ADAM9: variants seen among roughly 807,000 people sequenced by gnomAD.
ADAM9 encodes the protein ADAM metallopeptidase domain 9.
Under a neutral mutation model 108.1 loss-of-function variants are expected in ADAM9, and 54 were observed. The ratio of observed to expected loss-of-function variants is 0.50; its 90% confidence interval spans 0.40 to 0.63. ADAM9 has a LOEUF of 0.63. Among genes scored for constraint, ADAM9 ranks in the 20% least tolerant of loss-of-function variants. The pLI is 0.00. For synonymous variants in ADAM9, 316 were observed against 336.0 expected, an observed-to-expected ratio of 0.94 and a Z score of 0.65; for missense variants, 830 against 997.7, an observed-to-expected ratio of 0.83 and a Z score of 2.26.
chr8:39,009,903 G>C (rs998649031), intron 2 of ADAM9, among the ~76,000 whole-genome samples: 11 of 92,364 alleles, frequency 1.2e-4, no homozygotes, highest in African/African-American at 4.1e-4. Context: ...GATGGGGGGG[G>C]GGGGCAGGGA....
At chr8:39,073,611 A>G (rs1425625866) in intron 15 of ADAM9, among the ~76,000 whole-genome samples, 1 of 152,234 alleles carries the variant, frequency 6.6e-6, no homozygotes, top group Non-Finnish European at 1.5e-5. Context: ...TACAGATGAT[A>G]TGGATGAAGA....
chr8:39,035,364 AG>A (rs1256505746), intron 11 of ADAM9, among the ~76,000 whole-genome samples: 1 of 152,202 alleles, frequency 6.6e-6, no homozygotes, highest in African/African-American at 2.4e-5. Flanking sequence ...CTCTGATCAT[AG>A]TAAGCATAAA....
intron 11 of ADAM9, among the ~76,000 whole-genome samples, chr8:39,034,171 G>T (rs1837195452): frequency 6.6e-6 from 1 of 152,164 alleles, no homozygotes; most frequent in Non-Finnish European, 1.5e-5. Context: ...GGGATTACAG[G>T]TGTGAGCCAC....
chr8:39,045,409 TGCGCGTGTGTACACACACCTATATGTGC>T (rs1564301550), intron 12 of ADAM9, among the ~76,000 whole-genome samples: 4,170 of 43,224 alleles, frequency 0.096, 290 homozygotes, highest in East Asian at 0.17. Context: ...CACCTATATG[TGCGCGTGTGTACACACACCTATATGTGC>T]GCGTGTGTAC....
chr8:39,032,681 T>C (rs1564274881), intron 11 of ADAM9, among the ~76,000 whole-genome samples: 1 of 152,220 alleles, frequency 6.6e-6, no homozygotes, highest in Non-Finnish European at 1.5e-5. Context: ...CTACACCCAC[T>C]GTCCAACCAG....
chr8:39,045,267 TATAC>T (rs1262600222), intron 12 of ADAM9, among the ~76,000 whole-genome samples: 1 of 146,604 alleles, frequency 6.8e-6, no homozygotes, highest in South Asian at 2.1e-4. Context: ...TATATATGTG[TATAC>T]ATACATATGT....
chr8:39,093,209 T>A (rs1839405010), intron 20 of ADAM9, among the ~76,000 whole-genome samples: 1 of 152,224 alleles, frequency 6.6e-6, no homozygotes, highest in Non-Finnish European at 1.5e-5. Context: ...TATTAACTCT[T>A]CCAGTCAGTG....
At chr8:39,022,017 T>C (rs998848881) in intron 8 of ADAM9, among the ~76,000 whole-genome samples, 1 of 151,994 alleles carries the variant, frequency 6.6e-6, no homozygotes, top group African/African-American at 2.4e-5. Flanking sequence ...ATGCATCTTA[T>C]TTTGAATAAG....
At chr8:38,999,441 T>G (rs1010703751) in intron 1 of ADAM9, among the ~76,000 whole-genome samples, 2 of 152,100 alleles carry the variant, frequency 1.3e-5, no homozygotes, top group African/African-American at 4.8e-5. Context: ...GGAACAGATT[T>G]AGAATTTTTT....
rs1458736258 is a variant in ADAM9, at chr8:39,104,719, GAGAA to G, written c.*1024_*1027del. ...TAATATTTTCATAGAAATTAGGCTGGAGAAAGAAGGAAGAAATGGTTTTCTTAAA... is the reference window on the plus strand; with the variant it reads ...TAATATTTTCATAGAAATTAGGCTGGAGAAGGAAGAAATGGTTTTCTTAAA... On this transcript the variant is annotated 3_prime_UTR_variant, in exon 22 of 22. Transcript: ENST00000487273. 6 of 453,768 alleles carry G rather than the reference GAGAA, an allele frequency of 1.3e-5. No homozygotes were observed. Among genetic ancestry groups the G allele is most frequent in the Admixed American group, 7.1e-5 (3 of 42,552 alleles). 28.1% of individuals were successfully genotyped at this position (453,768 alleles called of 1,614,324 possible). A position where few individuals can be genotyped will look rare whatever the true frequency, so the allele number is the denominator to read the frequency against.
intron 12 of ADAM9, among the ~76,000 whole-genome samples, chr8:39,045,050 ATGTGTGTGTG>A (rs1837599531): frequency 1.2e-4 from 2 of 16,436 alleles, no homozygotes; most frequent in African/African-American, 3.2e-4. Flanking sequence ...ATGTATGTGT[ATGTGTGTGTG>A]CATACATACA....
At chr8:39,065,964 A>G (rs1279816213) in intron 14 of ADAM9, among the ~76,000 whole-genome samples, 1 of 151,960 alleles carries the variant, frequency 6.6e-6, no homozygotes, top group Non-Finnish European at 1.5e-5. Flanking sequence ...AAGTGTTCTC[A>G]TTCTTCAATT....
intron 2 of ADAM9, 102 bp from the exon 3 acceptor site, chr8:39,011,556 A>G (rs1836355333): frequency 3.6e-6 from 4 of 1,096,730 alleles, no homozygotes; most frequent in East Asian, 2.4e-5. Flanking sequence ...ATACCAAATT[A>G]TTTTAATTCA....
At position 39,066,992 on chromosome 8, in the gene ADAM9, T is replaced by C. The variant is rs1488770346; in HGVS notation, c.1592-4306T>C. ...TATGGCTAGCCAGTTTTCCCAGCACTATTTATTAAATAGGGAATCCTTTCC... is the reference window on the plus strand; with the variant it reads ...TATGGCTAGCCAGTTTTCCCAGCACCATTTATTAAATAGGGAATCCTTTCC... On this transcript the variant is annotated intron_variant, in intron 14 of 21. Transcript: ENST00000487273. Among the ~76,000 whole-genome samples the C allele has an allele frequency of 3.9e-5, 6 of 152,240 alleles. No individual in the cohort carries two copies. The East Asian group carries it at 5.8e-4, about 15-fold the overall frequency.
chr8:39,007,913 C>G lies in ADAM9; in HGVS notation c.125C>G (p.Ser42Cys), dbSNP rs747749262. 5 of 1,612,400 alleles carry G rather than the reference C, an allele frequency of 3.1e-6. No homozygotes were observed. Among genetic ancestry groups the G allele is most frequent in the Non-Finnish European group, 4.2e-6 (5 of 1,179,254 alleles). ...TTTCAACAGACCTCACATCTTTCTT[C>G]TTATGAAATTATAACTCCTTGGAGA... ...PGFQQTSHLSSYEIITPWRLT... is the reference protein window; with the variant it reads ...PGFQQTSHLSCYEIITPWRLT... Residue 42 changes from serine (S) to cysteine (C), a missense_variant, in exon 2 of 22, where the codon TCT becomes TGT. By Grantham distance (112) the Ser-to-Cys change is moderately radical. Coordinates refer to ENST00000487273, the MANE Select transcript of ADAM9 (RefSeq NM_003816.3).
intron 14 of ADAM9, among the ~76,000 whole-genome samples, chr8:39,063,392 C>T (rs925184997): frequency 1.3e-5 from 2 of 152,170 alleles, no homozygotes; most frequent in African/African-American, 4.8e-5. Context: ...GGGTTAGTCC[C>T]CTCAGATGTT....
chr8:39,090,230 A>G, intron 19 of ADAM9, 42 bp downstream of exon 19: 1 of 1,507,100 alleles, frequency 6.6e-7, no homozygotes, highest in Non-Finnish European at 9.1e-7. Context: ...TTAAATATAT[A>G]CATACATTTT....
intron 4 of ADAM9, chr8:39,014,778 T>C: frequency 2.2e-6 from 1 of 464,898 alleles, no homozygotes; most frequent in Non-Finnish European, 3.8e-6. Context: ...TTGTTTCTGT[T>C]GGTAGCGCAC....
chr8:39,041,972 G>T lies in ADAM9; in HGVS notation c.1157G>T (p.Ser386Ile). The T allele has an allele frequency of 6.2e-7, 1 of 1,614,012 alleles. No homozygotes were observed. Among genetic ancestry groups the T allele is most frequent in the Non-Finnish European group, 8.5e-7 (1 of 1,179,886 alleles). Reference sequence around the variant, plus strand: ...GGTTCCAGAAACTTTAGCAGTTGCAGTGCAGAGGACTTTGAGAAGTTAACT... The same window carrying T: ...GGTTCCAGAAACTTTAGCAGTTGCATTGCAGAGGACTTTGAGAAGTTAACT... ...ASGSRNFSSCSAEDFEKLTLN... is the reference protein window; with the variant it reads ...ASGSRNFSSCIAEDFEKLTLN... Residue 386 changes from serine (S) to isoleucine (I), a missense_variant, in exon 12 of 22, where the codon AGT becomes ATT. Physicochemically the swap from Ser to Ile is moderately radical, Grantham distance 142. Coordinates refer to ENST00000487273, the MANE Select transcript of ADAM9 (RefSeq NM_003816.3).
Sources: allele counts gnomAD v4.1 joint callset (sites outside exome capture counted in the v4.1 genomes callset), GRCh38; gene constraint gnomAD v4.1.1; transcripts MANE v1.5; gene names NCBI Gene and HGNC (gene_info 2026-07-23, HGNC 2026-07-21).